Variants in UNC5C observed in about 807,000 individuals in gnomAD.
UNC5C encodes unc-5 netrin receptor C.
A neutral mutation model predicts 99.8 loss-of-function variants in UNC5C; 47 were observed. The observed-to-expected ratio is 0.47, with a 90% CI of 0.37 to 0.60. The LOEUF is 0.60. UNC5C is among the 20% of genes least tolerant of loss of function. The pLI is 0.00. For synonymous variants in UNC5C, 487 were observed against 452.2 expected (o/e 1.08, Z -0.98); for missense variants, 1,062 against 1,165.9 (o/e 0.91, Z 1.30).
chr4:95,495,957 G>A (rs564703700), intron 1 of UNC5C, among the ~76,000 whole-genome samples: 1 of 151,842 alleles, frequency 6.6e-6, no homozygotes, highest in African/African-American at 2.4e-5. Flanking sequence ...TAAATTAATA[G>A]CAACACTTTT....
At chr4:95,225,181 C>T (rs1485355929) in intron 7 of UNC5C, among the ~76,000 whole-genome samples, 3 of 152,040 alleles carry the variant, frequency 2.0e-5, no homozygotes, top group Non-Finnish European at 4.4e-5. Flanking sequence ...CTCAGCCTCC[C>T]GAGTGGCTGG....
chr4:95,178,142 A>AGGTT (rs1176666864), intron 14 of UNC5C, among the ~76,000 whole-genome samples: 1 of 152,206 alleles, frequency 6.6e-6, no homozygotes, highest in Non-Finnish European at 1.5e-5. Flanking sequence ...ATCTAATCTC[A>AGGTT]GGTTGCCCCG....
At chr4:95,276,528 C>T (rs1317233622) in intron 4 of UNC5C, among the ~76,000 whole-genome samples, 1 of 152,100 alleles carries the variant, frequency 6.6e-6, no homozygotes, top group Non-Finnish European at 1.5e-5. Flanking sequence ...GGATCAGTTA[C>T]CTTTTAGAAG....
At chr4:95,248,941 C>T (rs1739596606) in intron 5 of UNC5C, among the ~76,000 whole-genome samples, 1 of 152,136 alleles carries the variant, frequency 6.6e-6, no homozygotes, top group Non-Finnish European at 1.5e-5. Flanking sequence ...TTGACTCACC[C>T]AGAGCAACTT....
In UNC5C at chr4:95,250,497, G is replaced by T. The variant is rs1264967457; in HGVS notation, c.765C>A (p.Val255=). 1 of 1,613,970 alleles carries T rather than the reference G, an allele frequency of 6.2e-7. No individual in the cohort carries two copies. Among genetic ancestry groups the T allele is most frequent in the South Asian group, 1.1e-5 (1 of 91,050 alleles). The part of the protein sequence containing the change: ...VAKRKSTTAT[V]IVYVNGGWST... Reference sequence around the variant, plus strand: ...TGAAGGGCCACTCACCATAGACTATGACAGTGGCAGTTGTACTTTTCCTCT... The same window carrying T: ...TGAAGGGCCACTCACCATAGACTATTACAGTGGCAGTTGTACTTTTCCTCT... Residue 255 remains valine, a synonymous_variant, in exon 5 of 16, where the codon GTC becomes GTA. Transcript: ENST00000453304.
At chr4:95,361,462 A>C (rs1744391119) in intron 1 of UNC5C, among the ~76,000 whole-genome samples, 1 of 152,184 alleles carries the variant, frequency 6.6e-6, no homozygotes, top group Non-Finnish European at 1.5e-5. Flanking sequence ...CTAAGTTAAA[A>C]TAAAATGTGA....
chr4:95,465,725 A>G (rs1254150021), intron 1 of UNC5C, among the ~76,000 whole-genome samples: 1 of 152,150 alleles, frequency 6.6e-6, no homozygotes, highest in Non-Finnish European at 1.5e-5. Context: ...TGATGACAAA[A>G]TACACAGATG....
At chr4:95,499,168 G>A (rs1721706739) in intron 1 of UNC5C, among the ~76,000 whole-genome samples, 1 of 152,042 alleles carries the variant, frequency 6.6e-6, no homozygotes, top group Non-Finnish European at 1.5e-5. Context: ...AGAAAAGGTT[G>A]GAATCTGGTT....
chr4:95,502,532 C>G (rs1287266594), intron 1 of UNC5C, among the ~76,000 whole-genome samples: 1 of 152,126 alleles, frequency 6.6e-6, no homozygotes, highest in South Asian at 2.1e-4. Context: ...CTCAGCCTCC[C>G]AAAGTGTTGA....
chr4:95,425,414 C>T lies in UNC5C; in HGVS notation c.125-89783G>A, dbSNP rs1193756240. Among the ~76,000 whole-genome samples the T allele has an allele frequency of 2.6e-5, 4 of 152,224 alleles. No individual in the cohort carries two copies. The East Asian group carries it at 5.8e-4, about 22-fold the overall frequency. ...TCGGCTCACTGCAAGCTCCGCCTCCCGGGCTCCCGCCATTCTCCTGCTTCA... is the reference window on the plus strand; with the variant it reads ...TCGGCTCACTGCAAGCTCCGCCTCCTGGGCTCCCGCCATTCTCCTGCTTCA... On this transcript the variant is annotated intron_variant, in intron 1 of 15. Coordinates refer to ENST00000453304, the MANE Select transcript of UNC5C (RefSeq NM_003728.4).
rs141806330 is a variant in UNC5C, at chr4:95,291,392, A to G, written c.490+10214T>C. 3.6e-3 allele frequency among the ~76,000 whole-genome samples: 553 copies of G among 152,346 alleles called. 2 individuals carry two copies. Among genetic ancestry groups the G allele is most frequent in the Non-Finnish European group, 6.1e-3 (415 of 68,030 alleles). On this transcript the variant is annotated intron_variant, in intron 3 of 15. Coordinates refer to ENST00000453304, the MANE Select transcript of UNC5C (RefSeq NM_003728.4). ...TTGCAGACAAGCTGTTTTCTTGCAA[A>G]TAAGCATTTTAGCCATAAACTTCAC...
intron 14 of UNC5C, among the ~76,000 whole-genome samples, chr4:95,181,391 T>C (rs776087506): frequency 1.3e-5 from 2 of 152,218 alleles, no homozygotes; most frequent in Non-Finnish European, 2.9e-5. Flanking sequence ...CTCTCTTTCA[T>C]TTGTGGCTGC....
intron 1 of UNC5C, among the ~76,000 whole-genome samples, chr4:95,433,288 G>A (rs1178400283): frequency 6.6e-6 from 1 of 151,934 alleles, no homozygotes. Context: ...TTAAAATGCA[G>A]GTATCAATTC....
At chr4:95,510,632 T>C (rs994288155) in intron 1 of UNC5C, among the ~76,000 whole-genome samples, 2 of 152,104 alleles carry the variant, frequency 1.3e-5, no homozygotes, top group Admixed American at 6.6e-5. Flanking sequence ...ATCTTTAAAT[T>C]TTTACCTTAA....
At chr4:95,237,110 T>C (rs927081863) in intron 7 of UNC5C, among the ~76,000 whole-genome samples, 5 of 152,230 alleles carry the variant, frequency 3.3e-5, no homozygotes, top group Admixed American at 2.6e-4. Flanking sequence ...ATTGTTATAC[T>C]GTATTTTAAC....
chr4:95,335,218 G>A (rs1411755836), intron 2 of UNC5C, among the ~76,000 whole-genome samples, 192 bp downstream of exon 2: 1 of 151,902 alleles, frequency 6.6e-6, no homozygotes, highest in South Asian at 2.1e-4. Flanking sequence ...AGCAAGTCAA[G>A]ATTTATTCAC....
chr4:95,352,019 T>C (rs1744011022), intron 1 of UNC5C, among the ~76,000 whole-genome samples: 1 of 152,132 alleles, frequency 6.6e-6, no homozygotes. Flanking sequence ...TACAGTCAGA[T>C]ACTTACCAAG....
At position 95,216,173 on chromosome 4, in the gene UNC5C, C is replaced by T. The variant is rs1738241800; in HGVS notation, c.1684G>A (p.Gly562Arg). Residue 562 changes from glycine to arginine, a missense_variant, in exon 10 of 16, where the codon GGG becomes AGG. Coordinates refer to ENST00000453304, the MANE Select transcript of UNC5C (RefSeq NM_003728.4). ...LLIPAGAIPQ[G>R]RVYEMYVTVH... ...GTCACATACATTTCGTAGACTCTCC[C>T]TTGGGGAATGGCCCCAGCGGGAATC... 1 of 1,613,812 alleles carries T rather than the reference C, an allele frequency of 6.2e-7. No individual in the cohort carries two copies. Among genetic ancestry groups the T allele is most frequent in the Non-Finnish European group, 8.5e-7 (1 of 1,179,968 alleles).
intron 1 of UNC5C, among the ~76,000 whole-genome samples, chr4:95,336,017 G>A (rs866954672): frequency 6.6e-6 from 1 of 151,838 alleles, no homozygotes; most frequent in African/African-American, 2.4e-5. Flanking sequence ...TTAGAAACAT[G>A]TATTTGAAAA....
Sources: allele counts gnomAD v4.1 joint callset (sites outside exome capture counted in the v4.1 genomes callset), GRCh38; gene constraint gnomAD v4.1.1; transcripts MANE v1.5; gene names NCBI Gene and HGNC (gene_info 2026-07-23, HGNC 2026-07-21).